The following NAV1 variants were observed in gnomAD, a reference collection of about 807,000 sequenced individuals.
NAV1 encodes neuron navigator 1, also known as pore membrane and/or filament interacting like protein 3.
In NAV1, 18 loss-of-function variants were observed where a neutral mutation model predicts 175.2. The observed-to-expected ratio is 0.10, with a 90% CI of 0.07 to 0.15. The LOEUF (loss-of-function observed/expected upper bound fraction) is 0.15. Among genes scored for constraint, NAV1 ranks in the 10% least tolerant of loss-of-function variants. The pLI, the probability that NAV1 is intolerant of heterozygous loss-of-function variation, is 1.00. For synonymous variants in NAV1, 897 were observed against 978.7 expected (o/e 0.92, Z 1.56); for missense variants, 1,731 against 2,436.6 (o/e 0.71, Z 6.10).
intron 8 of NAV1, among the ~76,000 whole-genome samples, chr1:201,785,581 T>C (rs1269260227): frequency 6.6e-6 from 1 of 152,046 alleles, no homozygotes; most frequent in African/African-American, 2.4e-5. Context: ...GAGAAACAAG[T>C]TTGCACATGG....
At chr1:201,726,029 C>A (rs1050550131) in intron 3 of NAV1, among the ~76,000 whole-genome samples, 1 of 152,152 alleles carries the variant, frequency 6.6e-6, no homozygotes, top group African/African-American at 2.4e-5. Flanking sequence ...GTAAAGGAAG[C>A]AGTATGTAGT....
At chr1:201,644,939 A>T (rs932976365), upstream of NAV1, among the ~76,000 whole-genome samples, 1 of 152,204 alleles carries the variant, frequency 6.6e-6, no homozygotes, top group African/African-American at 2.4e-5. Flanking sequence ...GCAGGAAGGA[A>T]GATCTGGCCC....
In NAV1 at chr1:201,711,624, A is replaced by G. The variant is rs2102468391; in HGVS notation, c.758-1193A>G. 2.6e-5 allele frequency among the ~76,000 whole-genome samples: 4 copies of G among 152,354 alleles called. 1 individual carries two copies. The South Asian group carries it at 8.3e-4, about 32-fold the overall frequency. On this transcript the variant is annotated intron_variant, in intron 1 of 29. Coordinates refer to ENST00000367296, the Ensembl canonical transcript of NAV1. The stretch of plus-strand genomic sequence containing the variant: ...GGAAAAGGGAGCAGCCTGGAGAGCC[A>G]GAGTTCTTGGGTTTTCTCTGTTGTT...
intron 11 of NAV1, among the ~76,000 whole-genome samples, chr1:201,790,000 A>G (rs1677008453): frequency 6.6e-6 from 1 of 152,118 alleles, no homozygotes; most frequent in Admixed American, 6.5e-5. Context: ...TTCTGGCCCC[A>G]CCACCAGCTC....
intron 1 of NAV1, among the ~76,000 whole-genome samples, chr1:201,541,216 A>T (rs1021914073): frequency 2.6e-5 from 4 of 152,194 alleles, no homozygotes; most frequent in Non-Finnish European, 4.4e-5. Flanking sequence ...CTGACCACCC[A>T]CAACACTCAG....
At chr1:201,640,463 A>G (rs1444370749) in intron 2 of NAV1, among the ~76,000 whole-genome samples, 2 of 152,002 alleles carry the variant, frequency 1.3e-5, no homozygotes, top group Non-Finnish European at 1.5e-5. Flanking sequence ...CCCAGCTGGG[A>G]TTACTGCCTG....
chr1:201,654,162 C>A (rs1669310008), intron 1 of NAV1, among the ~76,000 whole-genome samples: 1 of 152,118 alleles, frequency 6.6e-6, no homozygotes, highest in Non-Finnish European at 1.5e-5. Flanking sequence ...GGAGAAGTAC[C>A]CAGAGCTACT....
intron 2 of NAV1, among the ~76,000 whole-genome samples, chr1:201,617,206 G>C (rs945154406): frequency 9.7e-4 from 134 of 138,214 alleles, no homozygotes; most frequent in Non-Finnish European, 1.8e-3. Context: ...CAATCTCTCT[G>C]TCTCTCTCTC....
At chr1:201,680,305 T>A (rs979954928) in intron 1 of NAV1, among the ~76,000 whole-genome samples, 9 of 151,858 alleles carry the variant, frequency 5.9e-5, no homozygotes, top group African/African-American at 2.2e-4. Flanking sequence ...AGGTCAGGAG[T>A]TCGAGACCAG....
At position 201,718,532 on chromosome 1, in the gene NAV1, G is replaced by A; in HGVS notation, c.1003G>A (p.Gly335Arg). 1.2e-6 allele frequency: 2 copies of A among 1,612,206 alleles called. No individual in the cohort carries two copies. Among genetic ancestry groups the A allele is most frequent in the Non-Finnish European group, 1.7e-6 (2 of 1,179,034 alleles). ...GGCTGGTGACGCGCCCTCTGTGGGT[G>A]GGAGCTGCCGCTCGGAGGGGACGCC... Residue 335 changes from glycine to arginine, a missense_variant, in exon 3 of 30, where the codon GGG becomes AGG. Gly to Arg is a moderately radical substitution (Grantham distance 125). Around this residue, in one of 13 missense-constraint regions of NAV1, gnomAD observed 487 missense variants for 581.3 expected, o/e 0.84. Transcript: ENST00000367296. This position sits in a 1 kb window ranked among gnomAD's most constrained non-coding sequence, Gnocchi z 4.8.
rs566865168 is a variant in NAV1, at chr1:201,698,846, A to G, written c.758-13971A>G. Reference sequence around the variant, plus strand: ...AGTCAAATGACAAAAGCCTGCCCTTACCTTTGCTACTGGTTCTCTTCTGCC... The same window carrying G: ...AGTCAAATGACAAAAGCCTGCCCTTGCCTTTGCTACTGGTTCTCTTCTGCC... On this transcript the variant is annotated intron_variant, in intron 1 of 29. Transcript: ENST00000367296. 6.6e-5 allele frequency among the ~76,000 whole-genome samples: 10 copies of G among 152,286 alleles called. No homozygotes were observed. In the South Asian group the frequency reaches 2.1e-3, roughly 32 times the overall value.
chr1:201,757,334 T>C (rs1674576545), intron 3 of NAV1, among the ~76,000 whole-genome samples: 1 of 152,122 alleles, frequency 6.6e-6, no homozygotes, highest in African/African-American at 2.4e-5. Flanking sequence ...AATCCATAAA[T>C]CATAGCTCAC....
chr1:201,572,161 G>A (rs958147708), intron 1 of NAV1, among the ~76,000 whole-genome samples: 4 of 152,122 alleles, frequency 2.6e-5, no homozygotes, highest in African/African-American at 9.7e-5. Context: ...GGATAGCGAG[G>A]AAACTGGGCA....
upstream of NAV1, among the ~76,000 whole-genome samples, chr1:201,645,667 C>T (rs1668952063): frequency 7.6e-6 from 1 of 132,250 alleles, no homozygotes; most frequent in Non-Finnish European, 1.6e-5. Flanking sequence ...TTGCTCACAG[C>T]AGAATACACT....
chr1:201,714,882 G>C (rs1053587876), intron 2 of NAV1, among the ~76,000 whole-genome samples: 1 of 152,154 alleles, frequency 6.6e-6, no homozygotes, highest in Non-Finnish European at 1.5e-5. Flanking sequence ...CAGTCCCTCC[G>C]TTAAGCCGGA....
At chr1:201,579,195 G>A (rs1666776952) in intron 1 of NAV1, among the ~76,000 whole-genome samples, 1 of 152,084 alleles carries the variant, frequency 6.6e-6, no homozygotes, top group African/African-American at 2.4e-5. Flanking sequence ...GCTGGAGAAA[G>A]CAGGCTTTTG....
intron 2 of NAV1, among the ~76,000 whole-genome samples, chr1:201,642,525 T>TTTTCTTTCTTTCTTTCTTTC (rs762452787): frequency 5.0e-5 from 5 of 100,410 alleles, no homozygotes; most frequent in South Asian, 2.7e-4. Context: ...TTCTTTCTTT[T>TTTTCTTTCTTTCTTTCTTTC]TTTCTTTCTT....
intron 11 of NAV1, 119 bp downstream of exon 15, chr1:201,789,911 T>C: frequency 1.1e-6 from 1 of 951,712 alleles, no homozygotes; most frequent in South Asian, 1.4e-5. Context: ...GGCTCTTCAC[T>C]GTACCCATTG....
rs553044751 is a variant in NAV1, at chr1:201,625,080, T to TA, written c.-101+1475dup. On this transcript the variant is annotated intron_variant, in intron 1 of 29. Coordinates refer to the NAV1 transcript ENST00000367302. The stretch of plus-strand genomic sequence containing the variant: ...CATGTTTAGGCTTCATTTAGACTGT[T>TA]ACATTCAGTTGTGAACACCACGTTT... 1.7e-3 allele frequency among the ~76,000 whole-genome samples: 258 copies of TA among 152,350 alleles called. 3 individuals are homozygous for TA. The highest frequency in any genetic ancestry group is 6.0e-3 in the African/African-American group (251 of 41,586).
Sources: gnomAD v4.1 joint callset for allele counts (sites outside exome capture counted in the v4.1 genomes callset) on GRCh38, gnomAD v4.1.1 for gene constraint, gnomAD v4.1.1 regional missense constraint, Gnocchi (gnomAD v3.1) non-coding constraint, MANE v1.5 for transcripts, NCBI Gene and HGNC (gene_info 2026-07-23, HGNC 2026-07-21) for gene names.